The following NEK11 variants were observed in gnomAD, a reference collection of about 807,000 sequenced individuals.
NEK11 encodes the protein NIMA related kinase 11, also known as serine/threonine-protein kinase Nek11.
A neutral mutation model predicts 80.7 loss-of-function variants in NEK11; 72 were observed. That is an observed-to-expected ratio of 0.89 (90% CI 0.74 to 1.08). The LOEUF is 1.08. NEK11 is among the 50% of genes least tolerant of loss of function. The pLI, the probability that NEK11 is intolerant of heterozygous loss-of-function variation, is 0.00. For synonymous variants in NEK11, 251 were observed against 260.7 expected (o/e 0.96, Z 0.36); for missense variants, 764 against 763.6 (o/e 1.00, Z -0.01).
chr3:131,064,690 C>T (rs1023485003), intron 3 of NEK11, among the ~76,000 whole-genome samples: 3 of 152,078 alleles, frequency 2.0e-5, no homozygotes, highest in Non-Finnish European at 4.4e-5. Context: ...GAATTGTACA[C>T]TTGAAAAGAG....
chr3:131,299,609 TA>T (rs2096638866), intron 17 of NEK11, among the ~76,000 whole-genome samples: 2 of 152,358 alleles, frequency 1.3e-5, no homozygotes, highest in South Asian at 4.1e-4. Context: ...CTTCCACTTA[TA>T]AGTGAGAACA....
At chr3:131,133,122 T>C in intron 6 of NEK11, 1 of 371,628 alleles carries the variant, frequency 2.7e-6, no homozygotes, top group Non-Finnish European at 5.1e-6. Context: ...ACTTTACAAG[T>C]TATTAGAATC....
intron 16 of NEK11, among the ~76,000 whole-genome samples, chr3:131,249,439 C>A (rs1225285036): frequency 2.0e-5 from 3 of 152,070 alleles, no homozygotes; most frequent in South Asian, 4.1e-4. Context: ...ACCCCAGGTG[C>A]CTTTCTCTCC....
intron 17 of NEK11, chr3:131,328,461 T>A (rs1177784160): frequency 6.6e-6 from 1 of 152,154 alleles, no homozygotes; most frequent in Non-Finnish European, 1.5e-5. Flanking sequence ...CAAGCCTAGT[T>A]GGGGAGCAAT....
At chr3:131,154,962 A>G in intron 9 of NEK11, 74 bp from the exon 10 acceptor site, 1 of 893,900 alleles carries the variant, frequency 1.1e-6, no homozygotes, top group South Asian at 1.5e-5. Flanking sequence ...ATCTGAAAAG[A>G]TTCTTGGTAA....
intron 3 of NEK11, among the ~76,000 whole-genome samples, chr3:131,051,584 C>T (rs1560175265): frequency 6.6e-6 from 1 of 152,120 alleles, no homozygotes; most frequent in African/African-American, 2.4e-5. Context: ...ACACAAGACC[C>T]TACATATCTC....
intron 17 of NEK11, among the ~76,000 whole-genome samples, chr3:131,310,014 A>AC (rs2096764144): frequency 2.7e-5 from 4 of 147,166 alleles, no homozygotes; most frequent in Non-Finnish European, 6.0e-5. Context: ...AAAAAAAAAA[A>AC]AAAAAAAAAC....
intron 14 of NEK11, among the ~76,000 whole-genome samples, chr3:131,215,349 C>T (rs112453243): frequency 0.01 from 1,535 of 151,714 alleles, 34 homozygotes; most frequent in African/African-American, 0.035. Flanking sequence ...GTGCAGCACA[C>T]CAACATGGCA....
In NEK11 at chr3:131,162,499, G is replaced by A. The variant is rs1213503416; in HGVS notation, c.1054G>A (p.Ala352Thr). ...AAGGATGCGGCTGAGGAAGCTCCAG[G>A]CGGCTGATGAGAAAGCCAGGAAGCT... ...RERMRLRKLQAADEKARKLKK... is the reference protein window; with the variant it reads ...RERMRLRKLQTADEKARKLKK... Residue 352 changes from alanine (A) to threonine (T), a missense_variant, in exon 11 of 18, where the codon GCG (alanine) becomes ACG (threonine). By Grantham distance (58) the Ala-to-Thr change is moderately conservative (BLOSUM62 0). Coordinates refer to ENST00000383366, the MANE Select transcript of NEK11 (RefSeq NM_024800.5). 1.9e-6 allele frequency: 3 copies of A among 1,613,990 alleles called. No individual in the cohort carries two copies. In the African/African-American group the frequency reaches 4.0e-5, roughly 22 times the overall value.
chr3:131,216,292 T>A (rs1309976162), intron 14 of NEK11, among the ~76,000 whole-genome samples: 1 of 152,152 alleles, frequency 6.6e-6, no homozygotes, highest in African/African-American at 2.4e-5. Context: ...TTAAATGAGA[T>A]CTACCATATT....
intron 16 of NEK11, among the ~76,000 whole-genome samples, chr3:131,272,122 T>G (rs2096201474): frequency 2.0e-5 from 3 of 151,938 alleles, no homozygotes; most frequent in Admixed American, 6.6e-5. Context: ...GAAGAAAAAG[T>G]TTTACTAATA....
Position 131,201,788 on chromosome 3 carries a change from C to T in NEK11, c.1400-26740C>T, listed in dbSNP as rs529254480. Among the ~76,000 whole-genome samples the T allele has an allele frequency of 2.6e-5, 4 of 151,806 alleles. No homozygotes were observed. The East Asian group carries it at 7.7e-4, about 29-fold the overall frequency. On this transcript the variant is annotated intron_variant, in intron 14 of 17. Coordinates refer to ENST00000383366, the MANE Select transcript of NEK11 (RefSeq NM_024800.5). ...CTCCAGACCAATTTAATGTTAATTT[C>T]TCATGAAATCCTACAGCACATGAGA...
At chr3:131,095,647 C>G (rs2077321703) in intron 4 of NEK11, among the ~76,000 whole-genome samples, 1 of 152,106 alleles carries the variant, frequency 6.6e-6, no homozygotes, top group Non-Finnish European at 1.5e-5. Context: ...TGCAATATAA[C>G]TTAAAGATGG....
rs557785790 is a variant in NEK11, at chr3:131,103,682, TC to T, written c.337-6118del. Among the ~76,000 whole-genome samples, 266 of 152,312 alleles carry T rather than the reference TC, an allele frequency of 1.7e-3. 2 individuals carry two copies. Among genetic ancestry groups the T allele is most frequent in the Non-Finnish European group, 3.0e-3 (206 of 68,024 alleles). On this transcript the variant is annotated intron_variant, in intron 4 of 17. Transcript: ENST00000383366. ...TTGTTAGATGTTTGGGCTGCAGGGT[TC>T]CCTCAGTCAGAGGCTGAAGTAGGGA... is the stretch of plus-strand genomic sequence containing the variant.
chr3:131,082,737 A>G (rs1443174450), intron 4 of NEK11, among the ~76,000 whole-genome samples: 1 of 152,192 alleles, frequency 6.6e-6, no homozygotes, highest in Non-Finnish European at 1.5e-5. Context: ...ACTACCAGAA[A>G]TGTTACAAGA....
At chr3:131,217,376 G>T (rs1469367298) in intron 14 of NEK11, among the ~76,000 whole-genome samples, 1 of 152,084 alleles carries the variant, frequency 6.6e-6, no homozygotes, top group South Asian at 2.1e-4. Context: ...GGGGTTTTAG[G>T]AGTGGTTTTT....
chr3:131,150,927 C>T (rs2089523946), intron 7 of NEK11, among the ~76,000 whole-genome samples: 1 of 151,904 alleles, frequency 6.6e-6, no homozygotes, highest in South Asian at 2.1e-4. Context: ...TTTATTTCCT[C>T]TTAATTTGAA....
At chr3:131,168,511 T>C (rs961733359) in intron 12 of NEK11, among the ~76,000 whole-genome samples, 4 of 150,758 alleles carry the variant, frequency 2.7e-5, no homozygotes, top group Non-Finnish European at 4.4e-5. Context: ...CGCCCGCCAC[T>C]ACGCCCGGCT....
At chr3:131,047,602 T>G (rs191535768) in intron 3 of NEK11, among the ~76,000 whole-genome samples, 1 of 152,320 alleles carries the variant, frequency 6.6e-6, no homozygotes, top group Admixed American at 6.5e-5. Context: ...GTGGGGAGTG[T>G]CTGCACAGCA....
Sources: allele counts gnomAD v4.1 joint callset (sites outside exome capture counted in the v4.1 genomes callset), GRCh38; gene constraint gnomAD v4.1.1; transcripts MANE v1.5; gene names NCBI Gene and HGNC (gene_info 2026-07-23, HGNC 2026-07-21).